Variants in ANKMY2 observed in about 807,000 individuals in gnomAD.
ANKMY2 encodes the protein ankyrin repeat and MYND domain containing 2.
A neutral mutation model predicts 50.4 loss-of-function variants in ANKMY2; 36 were observed. That is an observed-to-expected ratio of 0.71 (90% CI 0.55 to 0.94). ANKMY2 has a LOEUF of 0.94. ANKMY2 is among the 40% of genes least tolerant of loss of function. The probability of loss-of-function intolerance (pLI) is 0.00; values close to 1 mark genes in which losing one functional copy is unlikely to be tolerated. For synonymous variants in ANKMY2, 187 were observed against 178.8 expected (o/e 1.05, Z -0.36); for missense variants, 565 against 524.0 (o/e 1.08, Z -0.76).
chr7:16,623,345 A>T (rs1167569490), intron 4 of ANKMY2, among the ~76,000 whole-genome samples: 1 of 152,210 alleles, frequency 6.6e-6, no homozygotes, highest in East Asian at 1.9e-4. Flanking sequence ...ATAGGATTGC[A>T]AACAATTTTT....
Position 16,610,613 on chromosome 7 carries a change from T to C in ANKMY2, c.682A>G (p.Ile228Val). ...AAGAAGTTAATGCATTTCTGAAAGA[T>C]ACAGCTTATGTAATGCATCTTCATA... ...LAMKMHYISC[I>V]FQKCINFLKD... Residue 228 changes from isoleucine (I) to valine (V), a missense_variant, in exon 6 of 10, where the codon ATC becomes GTC. Physicochemically the swap from Ile to Val is conservative, Grantham distance 29 (BLOSUM62 3). Transcript: ENST00000306999. 1.9e-6 allele frequency: 3 copies of C among 1,614,010 alleles called. No individual in the cohort carries two copies. The highest frequency in any genetic ancestry group is 2.5e-6 in the Non-Finnish European group (3 of 1,179,922).
intron 6 of ANKMY2, among the ~76,000 whole-genome samples, chr7:16,610,048 T>C (rs1457721465): frequency 6.6e-6 from 1 of 152,200 alleles, no homozygotes; most frequent in Non-Finnish European, 1.5e-5. Flanking sequence ...TGTCAGTTAT[T>C]TGTACTAAGA....
At chr7:16,600,990 G>A (rs1346003177) in intron 9 of ANKMY2, 45 bp from the exon 10 acceptor site, 2 of 1,471,964 alleles carry the variant, frequency 1.4e-6, no homozygotes, top group Non-Finnish European at 1.8e-6. Context: ...CCATGTGTCA[G>A]ACACTCTTCT....
Position 16,636,727 on chromosome 7 carries a change from G to A in ANKMY2, c.68-272C>T, listed in dbSNP as rs566331331. Among the ~76,000 whole-genome samples, 11 of 151,748 alleles carry A rather than the reference G, an allele frequency of 7.2e-5. No individual in the cohort carries two copies. In the East Asian group the frequency reaches 7.7e-4, roughly 11 times the overall value. ...ACATTGGCCACATTTTCCTTTTGGCGGTAATACAATAACCACAAAGCATAA... is the reference window on the plus strand; with the variant it reads ...ACATTGGCCACATTTTCCTTTTGGCAGTAATACAATAACCACAAAGCATAA... On this transcript the variant is annotated intron_variant, in intron 1 of 9. Transcript: ENST00000306999.
intron 2 of ANKMY2, among the ~76,000 whole-genome samples, chr7:16,629,016 A>C (rs1361869107): frequency 6.6e-6 from 1 of 151,326 alleles, no homozygotes; most frequent in Non-Finnish European, 1.5e-5. Flanking sequence ...AAACTTTTGA[A>C]TCTCACATCT....
rs1468640635 is a variant in ANKMY2, at chr7:16,610,577, C to T, written c.718G>A (p.Glu240Lys). Residue 240 changes from glutamate (E) to lysine (K), a missense_variant, in exon 6 of 10, where the codon GAG (glutamate) becomes AAG (lysine). By Grantham distance (56) the Glu-to-Lys change is moderately conservative. Transcript: ENST00000306999. The stretch of plus-strand genomic sequence containing the variant: ...TTGATCAAGGTGTCCAGTTTATTCT[C>T]TCCATCTTTTAAGAAGTTAATGCAT... ...QKCINFLKDG[E>K]NKLDTLIKSL... 1 of 1,613,662 alleles carries T rather than the reference C, an allele frequency of 6.2e-7. No homozygotes were observed. The highest frequency in any genetic ancestry group is 8.5e-7 in the Non-Finnish European group (1 of 1,179,720).
intron 4 of ANKMY2, among the ~76,000 whole-genome samples, chr7:16,622,999 T>C (rs887309172): frequency 1.3e-5 from 2 of 152,156 alleles, no homozygotes; most frequent in African/African-American, 4.8e-5. Context: ...AACATCTATA[T>C]CATGGAGTAT....
In ANKMY2 at chr7:16,645,746, G is replaced by A. The variant is rs985753585; in HGVS notation, c.-173C>T. 7 of 631,212 alleles carry A rather than the reference G, an allele frequency of 1.1e-5. No homozygotes were observed. The highest frequency in any genetic ancestry group is 4.7e-4 in the Middle Eastern group (1 of 2,132). 39.1% of individuals were successfully genotyped at this position (631,212 alleles called of 1,614,324 possible). A position where few individuals can be genotyped will look rare whatever the true frequency, so the allele number is the denominator to read the frequency against. ...CCCTCCCGCGGGCTGGCGGACAGCGGGCGAGCTCGGGCGAGCCAGGCGGAC... is the reference window on the plus strand; with the variant it reads ...CCCTCCCGCGGGCTGGCGGACAGCGAGCGAGCTCGGGCGAGCCAGGCGGAC... On this transcript the variant is annotated 5_prime_UTR_variant, in exon 1 of 10. Coordinates refer to ENST00000306999, the MANE Select transcript of ANKMY2 (RefSeq NM_020319.3).
At chr7:16,616,037 AGAG>A (rs912111006) in intron 4 of ANKMY2, 133 bp from the exon 5 acceptor site, 312 of 800,112 alleles carry the variant, frequency 3.9e-4, no homozygotes, top group African/African-American at 1.0e-3. Flanking sequence ...AAAGGAGAGT[AGAG>A]GAGGAGGAGG....
At chr7:16,637,175 G>A (rs80300986) in intron 1 of ANKMY2, among the ~76,000 whole-genome samples, 3,015 of 152,254 alleles carry the variant, frequency 0.02, 108 homozygotes, top group East Asian at 0.13. Flanking sequence ...ATTTTGCCAA[G>A]AAATTTCTGG....
intron 1 of ANKMY2, 26 bp downstream of exon 1, chr7:16,645,481 G>A (rs1011791670): frequency 1.4e-5 from 22 of 1,590,092 alleles, no homozygotes; most frequent in Non-Finnish European, 1.9e-5. Context: ...GCTGGCCGCG[G>A]CCGCGTCGCA....
At chr7:16,644,738 C>T (rs1207348754) in intron 1 of ANKMY2, 2 of 470,952 alleles carry the variant, frequency 4.2e-6, no homozygotes, top group Non-Finnish European at 8.8e-6. Context: ...CACTCGGGGA[C>T]TCCGGGGAAA....
intron 3 of ANKMY2, among the ~76,000 whole-genome samples, chr7:16,625,437 C>G (rs142143556): frequency 6.6e-6 from 1 of 152,112 alleles, no homozygotes; most frequent in Non-Finnish European, 1.5e-5. Flanking sequence ...ATAGGATTCC[C>G]CTTTAATATC....
Position 16,645,745 on chromosome 7 carries a change from G to A in ANKMY2, c.-172C>T, listed in dbSNP as rs953021702. ...TCCCTCCCGCGGGCTGGCGGACAGC[G>A]GGCGAGCTCGGGCGAGCCAGGCGGA... On this transcript the variant is annotated 5_prime_UTR_variant, in exon 1 of 10. Transcript: ENST00000306999. 1.9e-5 allele frequency: 12 copies of A among 627,874 alleles called. No individual in the cohort carries two copies. In the African/African-American group the frequency reaches 2.2e-4, roughly 11 times the overall value. 38.9% of individuals were successfully genotyped at this position (627,874 alleles called of 1,614,324 possible). A position where few individuals can be genotyped will look rare whatever the true frequency, so the allele number is the denominator to read the frequency against.
chr7:16,615,311 T>C (rs1781325766), intron 5 of ANKMY2, among the ~76,000 whole-genome samples: 1 of 152,222 alleles, frequency 6.6e-6, no homozygotes, highest in Non-Finnish European at 1.5e-5. Flanking sequence ...TCAGCTACTA[T>C]GGTCTTTTCT....
At chr7:16,635,126 A>G (rs1477233643) in intron 2 of ANKMY2, among the ~76,000 whole-genome samples, 1 of 152,190 alleles carries the variant, frequency 6.6e-6, no homozygotes, top group African/African-American at 2.4e-5. Flanking sequence ...CTAACAGCTG[A>G]TGAATGGATA....
At chr7:16,607,461 G>T (rs1267005095) in intron 7 of ANKMY2, among the ~76,000 whole-genome samples, 3 of 151,974 alleles carry the variant, frequency 2.0e-5, no homozygotes, top group Admixed American at 6.6e-5. Flanking sequence ...CCAGCTACTC[G>T]GGAGGCTGAG....
chr7:16,643,812 A>G (rs1781777244), intron 1 of ANKMY2, among the ~76,000 whole-genome samples: 1 of 150,590 alleles, frequency 6.6e-6, no homozygotes, highest in Non-Finnish European at 1.5e-5. Context: ...TGAGCCCAGG[A>G]GTTCGAGAGC....
intron 4 of ANKMY2, among the ~76,000 whole-genome samples, chr7:16,618,729 A>G (rs1781393125): frequency 6.6e-6 from 1 of 152,222 alleles, no homozygotes; most frequent in Non-Finnish European, 1.5e-5. Flanking sequence ...TCTTCAAGAG[A>G]GAAAAATGAC....
Sources: gnomAD v4.1 joint callset for allele counts (sites outside exome capture counted in the v4.1 genomes callset) on GRCh38, gnomAD v4.1.1 for gene constraint, MANE v1.5 for transcripts, NCBI Gene and HGNC (gene_info 2026-07-23, HGNC 2026-07-21) for gene names.